TMEM156: variants seen among roughly 807,000 people sequenced by gnomAD.
The protein encoded by TMEM156 is transmembrane protein 156.
TMEM156 carries 28 observed loss-of-function variants against 30.5 expected under a neutral mutation model. The observed-to-expected ratio is 0.92, with a 90% CI of 0.68 to 1.26. The LOEUF is 1.26. TMEM156 is among the 50% of genes most tolerant of loss of function. The pLI, the probability that TMEM156 is intolerant of heterozygous loss-of-function variation, is 0.00. For missense variants in TMEM156, 351 were observed against 340.6 expected (o/e 1.03, Z -0.24); for synonymous variants, 137 against 119.9 (o/e 1.14, Z -0.93).
At chr4:39,026,803 TG>T (rs1483776793) in intron 1 of TMEM156, among the ~76,000 whole-genome samples, 3 of 151,958 alleles carry the variant, frequency 2.0e-5, no homozygotes, top group African/African-American at 7.3e-5. Flanking sequence ...GGTGCGTGCC[TG>T]TAGTCCCAGC....
At chr4:39,029,868 G>T (rs1418960595) in intron 1 of TMEM156, among the ~76,000 whole-genome samples, 1 of 151,678 alleles carries the variant, frequency 6.6e-6, no homozygotes, top group Non-Finnish European at 1.5e-5. Flanking sequence ...AAAAATAATG[G>T]TTTTTATTAT....
chr4:39,026,884 G>A (rs1006334781), intron 1 of TMEM156, among the ~76,000 whole-genome samples: 2 of 152,058 alleles, frequency 1.3e-5, no homozygotes, highest in Non-Finnish European at 2.9e-5. Context: ...CCGAGATCAC[G>A]CCACTGCACT....
chr4:39,019,580 GTTGCTATTT>G (rs1560384585), intron 1 of TMEM156, among the ~76,000 whole-genome samples: 1 of 152,036 alleles, frequency 6.6e-6, no homozygotes, highest in Non-Finnish European at 1.5e-5. Flanking sequence ...TGTACGAATT[GTTGCTATTT>G]TTGCTATTTT....
At position 38,971,127 on chromosome 4, in the gene TMEM156, C is replaced by A; in HGVS notation, c.834G>T (p.Thr278=). Residue 278 remains threonine (T), a synonymous_variant, in exon 6 of 7, where the codon ACG becomes ACT. Transcript: ENST00000381938. ...GGACTTGATCCAAAGGCAGCCTCTG[C>A]GTGGTCTCTGCTATTTAAGAAGGAG... ...LNVQVLSAET[T]QRLPLDQVQE... is the part of the protein sequence containing the mutation. The A allele has an allele frequency of 6.2e-7, 1 of 1,613,846 alleles. No homozygotes were observed. Among genetic ancestry groups the A allele is most frequent in the Non-Finnish European group, 8.5e-7 (1 of 1,179,830 alleles).
intron 5 of TMEM156, among the ~76,000 whole-genome samples, chr4:38,972,046 C>T (rs1722621785): frequency 6.6e-6 from 1 of 151,972 alleles, no homozygotes; most frequent in Non-Finnish European, 1.5e-5. Flanking sequence ...ACCTCAGCCT[C>T]CCAAAGTGCT....
In TMEM156 at chr4:38,972,770, T is replaced by G. The variant is rs1722669028; in HGVS notation, c.824-1633A>C. ...CAGTCCAGTCTTATCCTTCACCATT[T>G]GCCTCCTGCATTGTGGTCTTTTCTT... On this transcript the variant is annotated intron_variant, in intron 5 of 6. Transcript: ENST00000381938. 2.0e-5 allele frequency among the ~76,000 whole-genome samples: 3 copies of G among 152,334 alleles called. No homozygotes were observed. In the South Asian group the frequency reaches 6.2e-4, roughly 32 times the overall value.
intron 1 of TMEM156, among the ~76,000 whole-genome samples, chr4:39,017,625 G>A (rs1421572693): frequency 1.3e-5 from 2 of 152,076 alleles, no homozygotes; most frequent in South Asian, 2.1e-4. Flanking sequence ...TTTTATGACT[G>A]GGAAGTATGT....
intron 1 of TMEM156, among the ~76,000 whole-genome samples, chr4:39,009,142 C>G (rs996166492): frequency 1.3e-5 from 2 of 151,922 alleles, no homozygotes; most frequent in African/African-American, 2.4e-5. Flanking sequence ...ACCAGAAAAT[C>G]TAGAGGAAAA....
intron 5 of TMEM156, among the ~76,000 whole-genome samples, chr4:38,980,382 A>G (rs1723119921): frequency 6.6e-6 from 1 of 152,174 alleles, no homozygotes; most frequent in African/African-American, 2.4e-5. Context: ...AGTATTTGAA[A>G]GGCTTTTGTA....
chr4:38,996,337 T>A (rs1350776952), intron 2 of TMEM156, among the ~76,000 whole-genome samples: 1 of 146,742 alleles, frequency 6.8e-6, no homozygotes, highest in African/African-American at 2.5e-5. Context: ...GGCGGGTGGA[T>A]CACATGAGGT....
chr4:39,016,877 G>T (rs1714522169), intron 1 of TMEM156, among the ~76,000 whole-genome samples: 1 of 152,164 alleles, frequency 6.6e-6, no homozygotes, highest in Admixed American at 6.5e-5. Context: ...AAGGTGTAAT[G>T]GACTTAAGTT....
intron 2 of TMEM156, 30 bp downstream of exon 2, chr4:38,998,610 A>G (rs1713098341): frequency 1.3e-6 from 2 of 1,579,338 alleles, no homozygotes; most frequent in African/African-American, 2.7e-5. Context: ...ACCTGATACC[A>G]TTTTATTCTC....
At position 38,988,284 on chromosome 4, in the gene TMEM156, C is replaced by T. The variant is rs948652150; in HGVS notation, c.739+567G>A. Among the ~76,000 whole-genome samples, 11 of 152,148 alleles carry T rather than the reference C, an allele frequency of 7.2e-5. No individual in the cohort carries two copies. The South Asian group carries it at 8.3e-4, about 11-fold the overall frequency. On this transcript the variant is annotated intron_variant, in intron 4 of 6. Coordinates refer to ENST00000381938, the MANE Select transcript of TMEM156 (RefSeq NM_024943.3). ...CATTGCCCAGGCTGGAGTGCAGTGG[C>T]GCGATCTCAGCTCACTGCAACCTCC...
In TMEM156 at chr4:38,998,624, T is replaced by C; in HGVS notation, c.358+16A>G. 6.3e-7 allele frequency: 1 copy of C among 1,599,468 alleles called. No individual in the cohort carries two copies. Among genetic ancestry groups the C allele is most frequent in the East Asian group, 2.3e-5 (1 of 44,398 alleles). On this transcript the variant is annotated intron_variant, in intron 2 of 6. Coordinates refer to ENST00000381938, the MANE Select transcript of TMEM156 (RefSeq NM_024943.3). ...TACCTGATACCATTTTATTCTCACCTTCACTTTGTGTTTACCTTTTGATGT... is the reference window on the plus strand; with the variant it reads ...TACCTGATACCATTTTATTCTCACCCTCACTTTGTGTTTACCTTTTGATGT...
Position 38,973,473 on chromosome 4 carries a change from T to C in TMEM156, c.824-2336A>G, listed in dbSNP as rs1722702295. Among the ~76,000 whole-genome samples, 3 of 152,190 alleles carry C rather than the reference T, an allele frequency of 2.0e-5. No homozygotes were observed. The South Asian group carries it at 6.2e-4, about 32-fold the overall frequency. ...CTAGTTACTTTATTTATAATTGTTTTAAATACAGTGTATCCTCTAACTGGT... is the reference window on the plus strand; with the variant it reads ...CTAGTTACTTTATTTATAATTGTTTCAAATACAGTGTATCCTCTAACTGGT... On this transcript the variant is annotated intron_variant, in intron 5 of 6. Coordinates refer to ENST00000381938, the MANE Select transcript of TMEM156 (RefSeq NM_024943.3).
intron 1 of TMEM156, among the ~76,000 whole-genome samples, chr4:39,016,421 G>T (rs1216208384): frequency 6.7e-6 from 1 of 149,008 alleles, no homozygotes; most frequent in Non-Finnish European, 1.5e-5. Context: ...TGATTTTATT[G>T]ATCCTTTCTG....
intron 5 of TMEM156, among the ~76,000 whole-genome samples, chr4:38,972,401 C>T (rs550136106): frequency 3.3e-5 from 5 of 151,526 alleles, no homozygotes; most frequent in South Asian, 2.1e-4. Flanking sequence ...CAGATGTGTG[C>T]CACCACACCT....
chr4:39,022,932 C>T (rs1402332236), intron 1 of TMEM156, among the ~76,000 whole-genome samples: 1 of 152,108 alleles, frequency 6.6e-6, no homozygotes, highest in Non-Finnish European at 1.5e-5. Flanking sequence ...ATTGCTAGTA[C>T]AACCACTTTA....
At chr4:38,999,234 A>G (rs116268079) in intron 1 of TMEM156, among the ~76,000 whole-genome samples, 1 of 151,364 alleles carries the variant, frequency 6.6e-6, no homozygotes, top group Non-Finnish European at 1.5e-5. Flanking sequence ...CTCCCAACTC[A>G]GCCTCCAGAG....
Sources: allele counts gnomAD v4.1 joint callset (sites outside exome capture counted in the v4.1 genomes callset), GRCh38; gene constraint gnomAD v4.1.1; transcripts MANE v1.5; gene names NCBI Gene and HGNC (gene_info 2026-07-23, HGNC 2026-07-21).